Variants in ACVR1C observed in about 807,000 individuals in gnomAD.
The protein encoded by ACVR1C is activin receptor type-1C.
A neutral mutation model predicts 57.9 loss-of-function variants in ACVR1C; 23 were observed. That is an observed-to-expected ratio of 0.40 (90% confidence interval 0.29 to 0.56). The LOEUF (loss-of-function observed/expected upper bound fraction) is 0.56, where lower values mean the gene tolerates loss of function less well. ACVR1C is among the 20% of genes least tolerant of loss of function. The pLI is 0.50. For missense variants in ACVR1C, 480 were observed against 607.9 expected, an observed-to-expected ratio of 0.79 and a Z score of 2.21; for synonymous variants, 214 against 215.3, an observed-to-expected ratio of 0.99 and a Z score of 0.05.
At chr2:157,598,752 T>A (rs924211172) in intron 1 of ACVR1C, among the ~76,000 whole-genome samples, 1 of 152,038 alleles carries the variant, frequency 6.6e-6, no homozygotes, top group Non-Finnish European at 1.5e-5. Context: ...TTGGCCAGGC[T>A]GGTCTTGAAC....
rs556314340 is a variant in ACVR1C, at chr2:157,599,179, C to T, written c.74-11762G>A. 5.9e-5 allele frequency among the ~76,000 whole-genome samples: 9 copies of T among 151,476 alleles called. No individual in the cohort carries two copies. In the South Asian group the frequency reaches 1.7e-3, roughly 28 times the overall value. On this transcript the variant is annotated intron_variant, in intron 1 of 8. Transcript: ENST00000243349. ...GAAACCCCGTCTCCACTAAAAATACCAAAAATTAGCCAGGCGTGGTGGCGG... is the reference window on the plus strand; with the variant it reads ...GAAACCCCGTCTCCACTAAAAATACTAAAAATTAGCCAGGCGTGGTGGCGG...
At chr2:157,539,609 C>T (rs1687572973) in intron 7 of ACVR1C, among the ~76,000 whole-genome samples, 1 of 152,182 alleles carries the variant, frequency 6.6e-6, no homozygotes, top group Non-Finnish European at 1.5e-5. Context: ...TGTTTGAAAT[C>T]TTGCTATCTG....
At chr2:157,563,643 G>T (rs1047008449) in intron 2 of ACVR1C, among the ~76,000 whole-genome samples, 1 of 152,152 alleles carries the variant, frequency 6.6e-6, no homozygotes, top group Non-Finnish European at 1.5e-5. Flanking sequence ...AACCAAAAAA[G>T]AGCCTGTATA....
chr2:157,600,509 ATC>A (rs1371027633), intron 1 of ACVR1C, among the ~76,000 whole-genome samples: 4 of 152,230 alleles, frequency 2.6e-5, no homozygotes, highest in African/African-American at 9.6e-5. Context: ...AGACAGAACT[ATC>A]TGTCTCAAGT....
intron 1 of ACVR1C, among the ~76,000 whole-genome samples, chr2:157,605,120 C>A (rs1448207747): frequency 6.6e-6 from 1 of 151,420 alleles, no homozygotes; most frequent in Non-Finnish European, 1.5e-5. Flanking sequence ...TATGAATGTA[C>A]CCATGTAATT....
In ACVR1C at chr2:157,541,893, T is replaced by C. The variant is rs772322002; in HGVS notation, c.1101-679A>G. Among the ~76,000 whole-genome samples the C allele has an allele frequency of 3.2e-4, 49 of 152,188 alleles. 1 individual carries two copies. Among genetic ancestry groups the C allele is most frequent in the Admixed American group, 2.0e-4 (3 of 15,272 alleles). Reference sequence around the variant, plus strand: ...AAGAAAATAGTTTGGTTGTTTCTAATTTCAAGGTCATGAACTCTGGAATTT... The same window carrying C: ...AAGAAAATAGTTTGGTTGTTTCTAACTTCAAGGTCATGAACTCTGGAATTT... On this transcript the variant is annotated intron_variant, in intron 6 of 8. Transcript: ENST00000243349.
intron 1 of ACVR1C, among the ~76,000 whole-genome samples, chr2:157,609,955 C>A (rs1366467282): frequency 6.6e-6 from 1 of 151,974 alleles, no homozygotes; most frequent in Non-Finnish European, 1.5e-5. Context: ...CATTTCTATT[C>A]AAGGTCATTA....
At chr2:157,547,031 T>C (rs1289580048) in intron 4 of ACVR1C, among the ~76,000 whole-genome samples, 1 of 137,620 alleles carries the variant, frequency 7.3e-6, no homozygotes, top group African/African-American at 2.7e-5. Flanking sequence ...TGTGATCTCA[T>C]TGTTCAATTC....
Position 157,527,918 on chromosome 2 carries a change from A to T in ACVR1C, c.*6000T>A, listed in dbSNP as rs1012986264. 6.6e-6 allele frequency: 1 copy of T among 152,192 alleles called. No homozygotes were observed. The allele number at this position is 152,192 out of a possible 1,614,324, so 9.4% of individuals were successfully genotyped here. ...ATGGACGATATCAAAATTGGGGTCC[A>T]TGTGCCTTGCTGCAGATTGTCTGGG... On this transcript the variant is annotated 3_prime_UTR_variant, in exon 9 of 9. Coordinates refer to ENST00000243349, the MANE Select transcript of ACVR1C (RefSeq NM_145259.3).
chr2:157,618,654 T>G (rs1330811565), intron 1 of ACVR1C, among the ~76,000 whole-genome samples: 1 of 151,726 alleles, frequency 6.6e-6, no homozygotes, highest in African/African-American at 2.4e-5. Context: ...ACAGAGTAAC[T>G]ATATCAATAG....
intron 1 of ACVR1C, among the ~76,000 whole-genome samples, chr2:157,599,946 C>G (rs1355691289): frequency 6.6e-6 from 1 of 152,122 alleles, no homozygotes; most frequent in African/African-American, 2.4e-5. Flanking sequence ...GCCTCTGGGC[C>G]TCATGTGTTC....
At chr2:157,604,919 T>C (rs974247454) in intron 1 of ACVR1C, among the ~76,000 whole-genome samples, 1 of 151,902 alleles carries the variant, frequency 6.6e-6, no homozygotes, top group Non-Finnish European at 1.5e-5. Flanking sequence ...ATTTATTCAA[T>C]ATTTTTCTTT....
rs540560215 is a variant in ACVR1C, at chr2:157,572,886, T to A, written c.304+14301A>T. ...GTGTCCCCAGAGAGTGAGCTATAAA[T>A]GGATTTGTTCGTGTGATGGCAGAAC... On this transcript the variant is annotated intron_variant, in intron 2 of 8. Coordinates refer to ENST00000243349, the MANE Select transcript of ACVR1C (RefSeq NM_145259.3). 7.9e-5 allele frequency among the ~76,000 whole-genome samples: 12 copies of A among 152,270 alleles called. No homozygotes were observed. In the East Asian group the frequency reaches 2.3e-3, roughly 29 times the overall value.
chr2:157,595,349 T>C (rs917592995), intron 1 of ACVR1C, among the ~76,000 whole-genome samples: 3 of 152,208 alleles, frequency 2.0e-5, no homozygotes, highest in East Asian at 1.9e-4. Context: ...CAAGGCTGAA[T>C]CTTTGTTTCC....
rs4261678 is a variant in ACVR1C at position 157,534,254 on chromosome 2, G to A, written c.1357-211C>T. ...CAGCCTCAAACTCTTGTGCTCAACCGATATTCCTGCTTAATCTTCCAAGTA... is the reference window on the plus strand; with the variant it reads ...CAGCCTCAAACTCTTGTGCTCAACCAATATTCCTGCTTAATCTTCCAAGTA... On this transcript the variant is annotated intron_variant, in intron 8 of 8. Coordinates refer to ENST00000243349, the MANE Select transcript of ACVR1C (RefSeq NM_145259.3). 0.015 allele frequency among the ~76,000 whole-genome samples: 2,240 copies of A among 151,828 alleles called. 58 individuals are homozygous for A. Among genetic ancestry groups the A allele is most frequent in the African/African-American group, 0.051 (2,110 of 41,374 alleles).
intron 3 of ACVR1C, among the ~76,000 whole-genome samples, chr2:157,551,730 T>C (rs991820627): frequency 1.3e-5 from 2 of 152,250 alleles, no homozygotes; most frequent in Admixed American, 6.5e-5. Context: ...AAAAGTCACA[T>C]TTAGTTACTG....
At chr2:157,549,781 C>T (rs972124909) in intron 4 of ACVR1C, among the ~76,000 whole-genome samples, 10 of 134,382 alleles carry the variant, frequency 7.4e-5, no homozygotes, top group Admixed American at 4.3e-4. Flanking sequence ...GTCAGGAGAT[C>T]AAGACCATCC....
chr2:157,596,249 C>G (rs1296332049), intron 1 of ACVR1C, among the ~76,000 whole-genome samples: 1 of 151,634 alleles, frequency 6.6e-6, no homozygotes, highest in Non-Finnish European at 1.5e-5. Context: ...TATAGAAATC[C>G]TTTGTCATAT....
chr2:157,610,790 T>A (rs1682514278), intron 1 of ACVR1C, among the ~76,000 whole-genome samples: 1 of 152,108 alleles, frequency 6.6e-6, no homozygotes, highest in Admixed American at 6.5e-5. Context: ...TGTCTTCAAG[T>A]TCTGAGATTA....
Sources: allele counts gnomAD v4.1 joint callset (sites outside exome capture counted in the v4.1 genomes callset), GRCh38; gene constraint gnomAD v4.1.1; transcripts MANE v1.5; gene names NCBI Gene and HGNC (gene_info 2026-07-23, HGNC 2026-07-21).